Variants in GABRG3 observed in about 807,000 individuals in gnomAD.
GABRG3 encodes the protein gamma-aminobutyric acid type A receptor subunit gamma3.
Under a neutral mutation model 48.8 loss-of-function variants are expected in GABRG3, and 25 were observed. The observed-to-expected ratio is 0.51, with a 90% CI of 0.37 to 0.72. GABRG3 has a LOEUF of 0.72. GABRG3 is among the 30% of genes least tolerant of loss of function. The probability of loss-of-function intolerance (pLI) is 0.00; values close to 1 mark genes in which losing one functional copy is unlikely to be tolerated. For missense variants in GABRG3, 394 were observed against 577.9 expected, an observed-to-expected ratio of 0.68 and a Z score of 3.26; for synonymous variants, 227 against 217.6, an observed-to-expected ratio of 1.04 and a Z score of -0.38.
intron 6 of GABRG3, among the ~76,000 whole-genome samples, chr15:27,516,229 C>A (rs1245966288): frequency 1.1e-4 from 17 of 151,908 alleles, no homozygotes; most frequent in Non-Finnish European, 1.5e-5. Flanking sequence ...AGAAAAAGGT[C>A]TTTAAATGTA....
At position 27,384,145 on chromosome 15, in the gene GABRG3, C is replaced by T. The variant is rs558629535; in HGVS notation, c.574+55257C>T. Among the ~76,000 whole-genome samples the T allele has an allele frequency of 1.3e-4, 20 of 152,308 alleles. No homozygotes were observed. In the South Asian group the frequency reaches 2.7e-3, roughly 21 times the overall value. ...ACATGTCAGCTCAATGCTGTGTACG[C>T]GCCTAGTAGTGACTATATGTCTAAA... On this transcript the variant is annotated intron_variant, in intron 5 of 9. Coordinates refer to ENST00000615808, the MANE Select transcript of GABRG3 (RefSeq NM_033223.5).
intron 3 of GABRG3, among the ~76,000 whole-genome samples, chr15:27,307,097 ATAT>A (rs1892588735): frequency 1.6e-5 from 2 of 125,260 alleles, no homozygotes; most frequent in African/African-American, 7.2e-5. Flanking sequence ...TAAACATATA[ATAT>A]AAACATGTTT....
At chr15:27,321,330 G>A (rs895792527) in intron 3 of GABRG3, among the ~76,000 whole-genome samples, 2 of 152,220 alleles carry the variant, frequency 1.3e-5, no homozygotes, top group African/African-American at 4.8e-5. Context: ...TGGGAAGAAT[G>A]CTCAACCAGG....
intron 3 of GABRG3, among the ~76,000 whole-genome samples, chr15:27,225,110 C>A (rs4887569): frequency 0.21 from 32,632 of 152,128 alleles, 5,458 homozygotes; most frequent in African/African-American, 0.44. Context: ...GGTGATTAAT[C>A]ATCAAATGAT....
chr15:27,406,560 A>C (rs547036843), intron 5 of GABRG3, among the ~76,000 whole-genome samples: 1 of 152,194 alleles, frequency 6.6e-6, no homozygotes, highest in Non-Finnish European at 1.5e-5. Flanking sequence ...ACATCAGGCA[A>C]AACCAGATTG....
intron 3 of GABRG3, among the ~76,000 whole-genome samples, chr15:27,281,514 T>G (rs892150775): frequency 4.0e-5 from 6 of 151,776 alleles, no homozygotes; most frequent in Admixed American, 2.6e-4. Context: ...TTACCTATAG[T>G]TTTTAGGGGG....
intron 3 of GABRG3, among the ~76,000 whole-genome samples, chr15:27,055,232 A>G (rs1384430373): frequency 6.6e-6 from 1 of 152,170 alleles, no homozygotes; most frequent in African/African-American, 2.4e-5. Context: ...GCACCGGAGC[A>G]GCTTGCTAGC....
intron 6 of GABRG3, chr15:27,481,146 A>G (rs1006560831): frequency 1.9e-6 from 2 of 1,047,012 alleles, no homozygotes; most frequent in African/African-American, 1.7e-5. Flanking sequence ...GAGAATCCAC[A>G]CATAAAAGAA....
At chr15:27,507,671 C>A (rs1890793815) in intron 6 of GABRG3, among the ~76,000 whole-genome samples, 1 of 152,008 alleles carries the variant, frequency 6.6e-6, no homozygotes, top group African/African-American at 2.4e-5. Context: ...TAAATAATGT[C>A]AAACTGGTTG....
At chr15:27,302,876 C>T (rs1892259058) in intron 3 of GABRG3, among the ~76,000 whole-genome samples, 1 of 151,702 alleles carries the variant, frequency 6.6e-6, no homozygotes, top group Admixed American at 6.6e-5. Flanking sequence ...TTTAAATATG[C>T]CGTGGACCAA....
At chr15:27,225,666 C>A (rs1189388236) in intron 3 of GABRG3, among the ~76,000 whole-genome samples, 6 of 152,126 alleles carry the variant, frequency 3.9e-5, no homozygotes, top group African/African-American at 1.4e-4. Context: ...CTATTGAGGG[C>A]ATGGCCCAGG....
At chr15:27,103,951 T>G (rs1459375016) in intron 3 of GABRG3, among the ~76,000 whole-genome samples, 2 of 152,228 alleles carry the variant, frequency 1.3e-5, no homozygotes, top group African/African-American at 4.8e-5. Context: ...AGGATTTTCT[T>G]TAATAATTAG....
intron 2 of GABRG3, among the ~76,000 whole-genome samples, chr15:26,980,277 T>C (rs924077292): frequency 1.3e-5 from 2 of 152,226 alleles, no homozygotes; most frequent in African/African-American, 2.4e-5. Context: ...TGATAGTTTT[T>C]CTGTTATTTT....
chr15:27,248,367 T>C (rs993880440), intron 3 of GABRG3, among the ~76,000 whole-genome samples: 1 of 152,186 alleles, frequency 6.6e-6, no homozygotes, highest in Non-Finnish European at 1.5e-5. Context: ...CCAGTGTGGC[T>C]GATGGGTCCA....
intron 3 of GABRG3, chr15:27,161,312 G>T: frequency 6.6e-6 from 1 of 152,134 alleles, no homozygotes; most frequent in East Asian, 1.9e-4. Context: ...AAAGGACATT[G>T]TTACACTGTA....
At chr15:27,371,761 G>T (rs945957860) in intron 5 of GABRG3, among the ~76,000 whole-genome samples, 7 of 152,014 alleles carry the variant, frequency 4.6e-5, no homozygotes, top group Non-Finnish European at 8.8e-5. Context: ...CAATTATAAT[G>T]AATTCATCAT....
chr15:27,037,044 G>A (rs2140693337), intron 3 of GABRG3, among the ~76,000 whole-genome samples: 1 of 152,266 alleles, frequency 6.6e-6, no homozygotes, highest in South Asian at 2.1e-4. Flanking sequence ...AGGAGACAGA[G>A]ATCAGGGTGA....
rs561823653 is a variant in GABRG3, at chr15:27,032,282, G to A, written c.270+5461G>A. Among the ~76,000 whole-genome samples, 62 of 152,108 alleles carry A rather than the reference G, an allele frequency of 4.1e-4. 1 individual carries two copies. The highest frequency in any genetic ancestry group is 9.8e-4 in the Admixed American group (15 of 15,282). On this transcript the variant is annotated intron_variant, in intron 3 of 9. Transcript: ENST00000615808. ...TTCTCCATCTTGCAATCTGTTTTCT[G>A]GAACACATTAACCATGAAGTCCCTT...
chr15:27,317,240 C>G (rs930952576), intron 3 of GABRG3, among the ~76,000 whole-genome samples: 1 of 152,184 alleles, frequency 6.6e-6, no homozygotes, highest in Non-Finnish European at 1.5e-5. Context: ...TCCATGGTGG[C>G]CTCCCCAGGG....
Sources: allele counts gnomAD v4.1 joint callset (sites outside exome capture counted in the v4.1 genomes callset), GRCh38; gene constraint gnomAD v4.1.1; transcripts MANE v1.5; gene names NCBI Gene and HGNC (gene_info 2026-07-23, HGNC 2026-07-21).